The following CPQ variants were observed in gnomAD, a reference collection of about 807,000 sequenced individuals.
The protein encoded by CPQ is carboxypeptidase Q, also known as Ser-Met dipeptidase.
In CPQ, 37 loss-of-function variants were observed where a neutral mutation model predicts 45.7. The ratio of observed to expected loss-of-function variants is 0.81; its 90% confidence interval spans 0.62 to 1.07. The LOEUF is 1.07. Ranked by LOEUF, CPQ falls within the 50% of genes least tolerant of loss-of-function variation. CPQ has a pLI of 0.00. For missense variants in CPQ, 537 were observed against 572.9 expected (o/e 0.94, Z 0.64); for synonymous variants, 186 against 205.8 (o/e 0.90, Z 0.82).
chr8:97,009,401 G>C (rs1809441634), intron 5 of CPQ, among the ~76,000 whole-genome samples: 1 of 152,144 alleles, frequency 6.6e-6, no homozygotes, highest in African/African-American at 2.4e-5. Flanking sequence ...TATTGTAGAA[G>C]GTAGGTGTAA....
chr8:96,855,088 C>G (rs1208326379), intron 3 of CPQ, among the ~76,000 whole-genome samples: 1 of 152,162 alleles, frequency 6.6e-6, no homozygotes, highest in African/African-American at 2.4e-5. Context: ...TGGGGAGGGT[C>G]AGCCTTTTTG....
chr8:96,734,741 A>T (rs993066138), intron 1 of CPQ, among the ~76,000 whole-genome samples: 6 of 151,144 alleles, frequency 4.0e-5, no homozygotes, highest in Non-Finnish European at 5.9e-5. Context: ...TAAAATAAAT[A>T]AAATAAAATA....
chr8:97,007,363 C>A (rs1586491258), intron 5 of CPQ, among the ~76,000 whole-genome samples: 1 of 152,172 alleles, frequency 6.6e-6, no homozygotes, highest in East Asian at 1.9e-4. Flanking sequence ...TCAAAGCAGG[C>A]CAACCCTGCA....
chr8:96,780,558 A>G (rs1810672385), intron 1 of CPQ, among the ~76,000 whole-genome samples: 1 of 152,156 alleles, frequency 6.6e-6, no homozygotes, highest in South Asian at 2.1e-4. Flanking sequence ...CAATAATAAC[A>G]CATTTTATTT....
chr8:96,983,602 T>C lies in CPQ; in HGVS notation c.961+17556T>C, dbSNP rs1254843515. Among the ~76,000 whole-genome samples the C allele has an allele frequency of 2.0e-5, 3 of 152,290 alleles. No homozygotes were observed. In the East Asian group the frequency reaches 5.8e-4, roughly 29 times the overall value. On this transcript the variant is annotated intron_variant, in intron 5 of 7. Transcript: ENST00000220763. ...TTCATTAGAGCAAACTTACTAACTA[T>C]TCAAAAGTACTGTGTCATTTGAAAG...
At chr8:96,999,002 T>A (rs1454426083) in intron 5 of CPQ, among the ~76,000 whole-genome samples, 21 of 152,000 alleles carry the variant, frequency 1.4e-4, no homozygotes, top group Admixed American at 1.4e-3. Flanking sequence ...TTCTATCTAC[T>A]AGACATTTTT....
intron 6 of CPQ, among the ~76,000 whole-genome samples, chr8:97,062,139 G>A (rs1810561200): frequency 6.7e-6 from 1 of 150,318 alleles, no homozygotes; most frequent in African/African-American, 2.5e-5. Flanking sequence ...AGAGGACCAG[G>A]AAACACTTAA....
At chr8:96,880,087 A>G in intron 4 of CPQ, 82 bp downstream of exon 4, 1 of 1,168,746 alleles carries the variant, frequency 8.6e-7, no homozygotes, top group African/African-American at 1.5e-5. Flanking sequence ...GAAAGAGAGA[A>G]CGTGAAACCA....
intron 4 of CPQ, among the ~76,000 whole-genome samples, chr8:96,918,812 G>A (rs970362419): frequency 6.6e-6 from 1 of 152,086 alleles, no homozygotes; most frequent in Non-Finnish European, 1.5e-5. Flanking sequence ...GGCATTGGAA[G>A]GATGTGGGTT....
intron 3 of CPQ, among the ~76,000 whole-genome samples, chr8:96,876,149 A>G (rs4284019): frequency 0.25 from 38,286 of 151,808 alleles, 5,256 homozygotes; most frequent in Non-Finnish European, 0.3. Flanking sequence ...TGATTTTTGT[A>G]TGCTGATCTT....
chr8:97,033,630 T>A (rs991859421), intron 6 of CPQ, among the ~76,000 whole-genome samples: 9 of 152,152 alleles, frequency 5.9e-5, no homozygotes, highest in African/African-American at 2.2e-4. Context: ...ACAATCTTTT[T>A]TTTTTTTTGC....
rs564741552 is a variant in CPQ, at chr8:96,663,200, C to T, written c.-35+17798C>T. Among the ~76,000 whole-genome samples the T allele has an allele frequency of 5.9e-5, 9 of 152,246 alleles. No homozygotes were observed. The South Asian group carries it at 6.2e-4, about 11-fold the overall frequency. Reference sequence around the variant, plus strand: ...GAAATTTACAAGGCTCAGAGAGCCCCGAAACATCTTCAGAAGTGGAGCCCA... The same window carrying T: ...GAAATTTACAAGGCTCAGAGAGCCCTGAAACATCTTCAGAAGTGGAGCCCA... On this transcript the variant is annotated intron_variant, in intron 1 of 7. Coordinates refer to ENST00000220763, the MANE Select transcript of CPQ (RefSeq NM_016134.4).
intron 6 of CPQ, among the ~76,000 whole-genome samples, chr8:97,060,783 A>T (rs980479009): frequency 3.9e-5 from 6 of 152,154 alleles, no homozygotes; most frequent in African/African-American, 1.4e-4. Context: ...AGCTATAATC[A>T]GCTTTTCAAA....
chr8:97,140,465 T>C (rs1812140217), intron 7 of CPQ, among the ~76,000 whole-genome samples: 1 of 151,554 alleles, frequency 6.6e-6, no homozygotes, highest in South Asian at 2.1e-4. Flanking sequence ...AAAATGAAAA[T>C]TTACAATAGC....
chr8:96,914,008 A>G (rs1404699586), intron 4 of CPQ, among the ~76,000 whole-genome samples: 3 of 152,044 alleles, frequency 2.0e-5, no homozygotes, highest in Admixed American at 2.0e-4. Flanking sequence ...GTGTTGGAGG[A>G]TTGTGGTGGT....
At chr8:97,075,824 C>A (rs1440303472) in intron 7 of CPQ, among the ~76,000 whole-genome samples, 1 of 152,040 alleles carries the variant, frequency 6.6e-6, no homozygotes, top group Non-Finnish European at 1.5e-5. Context: ...ATATCATGAA[C>A]CCCCATGCAC....
At chr8:96,766,833 A>T (rs150159279) in intron 1 of CPQ, among the ~76,000 whole-genome samples, 415 of 152,278 alleles carry the variant, frequency 2.7e-3, no homozygotes, top group African/African-American at 9.6e-3. Flanking sequence ...TTACTGATGC[A>T]GGGAAGCAAT....
At chr8:97,002,473 A>G (rs1354160277) in intron 5 of CPQ, among the ~76,000 whole-genome samples, 1 of 152,272 alleles carries the variant, frequency 6.6e-6, no homozygotes, top group East Asian at 1.9e-4. Context: ...CTTTGTTCAC[A>G]TTAGTTTCAA....
At chr8:96,783,861 A>G (rs1810722835) in intron 1 of CPQ, among the ~76,000 whole-genome samples, 1 of 152,194 alleles carries the variant, frequency 6.6e-6, no homozygotes, top group Non-Finnish European at 1.5e-5. Flanking sequence ...TATATTGGAC[A>G]GCATTGAATA....
Sources: allele counts gnomAD v4.1 joint callset (sites outside exome capture counted in the v4.1 genomes callset), GRCh38; gene constraint gnomAD v4.1.1; transcripts MANE v1.5; gene names NCBI Gene and HGNC (gene_info 2026-07-23, HGNC 2026-07-21).